The following TRIM32 variants were observed in gnomAD, a reference collection of about 807,000 sequenced individuals.
TRIM32 encodes the protein tripartite motif containing 32, also known as E3 ubiquitin-protein ligase TRIM32.
In TRIM32, 19 loss-of-function variants were observed where a neutral mutation model predicts 36.0. The ratio of observed to expected loss-of-function variants is 0.53; its 90% CI spans 0.37 to 0.77. The LOEUF (loss-of-function observed/expected upper bound fraction) is 0.77, where lower values mean the gene tolerates loss of function less well. TRIM32 is among the 30% of genes least tolerant of loss of function. TRIM32 has a pLI of 0.00. For missense variants in TRIM32, 747 were observed against 845.2 expected, an observed-to-expected ratio of 0.88 and a Z score of 1.44; for synonymous variants, 309 against 318.5, an observed-to-expected ratio of 0.97 and a Z score of 0.32.
Position 116,694,459 on chromosome 9 carries a change from C to CTTTTTTTT in TRIM32, c.-81-3190_-81-3183dup, listed in dbSNP as rs56666915. On this transcript the variant is annotated intron_variant, in intron 1 of 1. Coordinates refer to ENST00000450136, the MANE Select transcript of TRIM32 (RefSeq NM_012210.4). Reference sequence around the variant, plus strand: ...GCATGGATCCTGAGTTGTAATTTCTCTTTTTTTTTTTTTTTTTTTTGAGAT... The same window carrying CTTTTTTTT: ...GCATGGATCCTGAGTTGTAATTTCTCTTTTTTTTTTTTTTTTTTTTTTTTTTTTGAGAT... 5.3e-4 allele frequency among the ~76,000 whole-genome samples: 47 copies of CTTTTTTTT among 88,046 alleles called. 3 individuals are homozygous for CTTTTTTTT. The highest frequency in any genetic ancestry group is 3.4e-3 in the East Asian group (9 of 2,622). The allele number at this position is 88,046 out of a possible 152,430, so 57.8% of individuals were successfully genotyped here. A position where few individuals can be genotyped will look rare whatever the true frequency, so the allele number is the denominator to read the frequency against.
At position 116,698,432 on chromosome 9, in the gene TRIM32, TG is replaced by T. The variant is rs747685252; in HGVS notation, c.691del (p.Ala231GlnfsTer21). 2.7e-5 allele frequency: 44 copies of T among 1,613,948 alleles called. No homozygotes were observed. Among genetic ancestry groups the T allele is most frequent in the Non-Finnish European group, 3.6e-5 (42 of 1,180,018 alleles). ...VEEQSYLLNI[A>X]EVQAVSRCDY... ...AGGAGCAGAGTTACCTGCTTAACATTGCAGAGGTGCAGGCTGTGTCTCGCTG... is the reference window on the plus strand; with the variant it reads ...AGGAGCAGAGTTACCTGCTTAACATTCAGAGGTGCAGGCTGTGTCTCGCTG... On this transcript the variant is annotated frameshift_variant, in exon 2 of 2. Coordinates refer to ENST00000450136, the MANE Select transcript of TRIM32 (RefSeq NM_012210.4). LOFTEE classifies it high-confidence loss of function. The surrounding 1 kb of genome is among the most constrained non-coding windows in gnomAD (Gnocchi z 4.4).
At chr9:116,693,093 C>A (rs1198514384) in intron 1 of TRIM32, among the ~76,000 whole-genome samples, 3 of 152,134 alleles carry the variant, frequency 2.0e-5, no homozygotes, top group Admixed American at 6.5e-5. Context: ...AGTTTGTAAA[C>A]TGAATGCGTT....
In TRIM32 at chr9:116,699,569, T is replaced by C. The variant is rs1442201890; in HGVS notation, c.1827T>C (p.Ser609=). 1.9e-6 allele frequency: 3 copies of C among 1,614,084 alleles called. No individual in the cohort carries two copies. Among genetic ancestry groups the C allele is most frequent in the Non-Finnish European group, 2.5e-6 (3 of 1,180,026 alleles). The change falls in exon 2 of 2, where the codon AGT becomes AGC. Residue 609 remains serine, a synonymous_variant. Transcript: ENST00000450136. This position sits in a 1 kb window ranked among gnomAD's most constrained non-coding sequence, Gnocchi z 4.2. ...ILHFPKGGGY[S]VLIREGLTCP... is the part of the protein sequence containing the mutation. ...ATTTTCCTAAGGGTGGGGGCTATAG[T>C]GTCCTTATTCGAGAGGGACTTACCT... is the stretch of plus-strand genomic sequence containing the variant.
chr9:116,689,691 T>G (rs1423483832), intron 1 of TRIM32, among the ~76,000 whole-genome samples: 2 of 152,202 alleles, frequency 1.3e-5, no homozygotes, highest in Non-Finnish European at 2.9e-5. Context: ...TGAGTATCAC[T>G]GACTATCAGA....
At chr9:116,693,757 A>C (rs80267639) in intron 1 of TRIM32, among the ~76,000 whole-genome samples, 30,493 of 152,146 alleles carry the variant, frequency 0.2, 3,959 homozygotes, top group Admixed American at 0.36. Context: ...TGGGCAGCTT[A>C]CTTAAAGATT....
intron 1 of TRIM32, among the ~76,000 whole-genome samples, chr9:116,693,325 A>G (rs1199555116): frequency 1.3e-5 from 2 of 152,210 alleles, no homozygotes; most frequent in Admixed American, 6.5e-5. Flanking sequence ...TCTCAGTCCT[A>G]TATAACTTTA....
At chr9:116,696,952 A>T (rs1411299109) in intron 1 of TRIM32, among the ~76,000 whole-genome samples, 1 of 84,188 alleles carries the variant, frequency 1.2e-5, no homozygotes, top group South Asian at 7.9e-4. Context: ...GACATGATTA[A>T]AAAAAAAAAA....
Position 116,698,405 on chromosome 9 carries a change from A to C in TRIM32, c.663A>C (p.Val221=), listed in dbSNP as rs897876140. The C allele has an allele frequency of 1.2e-6, 2 of 1,614,020 alleles. No homozygotes were observed. The highest frequency in any genetic ancestry group is 2.7e-5 in the African/African-American group (2 of 74,934). ...TTGAGAAGTCCAATAGTCAAGTGGT[A>C]GAGGAGCAGAGTTACCTGCTTAACA... ...AEVEKSNSQV[V]EEQSYLLNIA... is the part of the protein sequence containing the mutation. Residue 221 remains valine, a synonymous_variant, in exon 2 of 2, where the codon GTA becomes GTC. Transcript: ENST00000450136. This position sits in a 1 kb window ranked among gnomAD's most constrained non-coding sequence, Gnocchi z 4.4.
rs1254603334 is a variant in TRIM32, at chr9:116,699,810, C to A, written c.*106C>A. ...AATAGACTCAGCCTATGTCCTGATT[C>A]CAGCTGGGTAGTTCTAGAACTTCAG... On this transcript the variant is annotated 3_prime_UTR_variant, in exon 2 of 2. Transcript: ENST00000450136. The surrounding 1 kb of genome is among the most constrained non-coding windows in gnomAD (Gnocchi z 4.2). 2 of 1,496,540 alleles carry A rather than the reference C, an allele frequency of 1.3e-6. No individual in the cohort carries two copies. Among genetic ancestry groups the A allele is most frequent in the African/African-American group, 2.8e-5 (2 of 72,314 alleles). 92.7% of individuals were successfully genotyped at this position (1,496,540 alleles called of 1,614,324 possible).
At chr9:116,690,434 C>T (rs1588204772) in intron 1 of TRIM32, among the ~76,000 whole-genome samples, 1 of 152,190 alleles carries the variant, frequency 6.6e-6, no homozygotes, top group Non-Finnish European at 1.5e-5. Context: ...CCTTTTCCAA[C>T]CCTTCAGAGC....
In TRIM32 at chr9:116,701,169, A is replaced by T. The variant is rs1168747285; in HGVS notation, c.*1465A>T. 6.0e-6 allele frequency: 1 copy of T among 167,106 alleles called. No homozygotes were observed. The highest frequency in any genetic ancestry group is 2.4e-5 in the African/African-American group (1 of 41,470). The allele number at this position is 167,106 out of a possible 1,614,324, so 10.4% of individuals were successfully genotyped here. A position where few individuals can be genotyped will look rare whatever the true frequency, so the allele number is the denominator to read the frequency against. On this transcript the variant is annotated 3_prime_UTR_variant, in exon 2 of 2. Transcript: ENST00000450136. ...TGGCAAGCCAAAGAGCAACTGCCTT[A>T]CTTTGATGTAAACAAAATTTGCTAA...
chr9:116,699,438 A>G lies in TRIM32; in HGVS notation c.1696A>G (p.Ser566Gly), dbSNP rs779755416. ...GPDGQLGRQI[S>G]HFFSENEDFR... Reference sequence around the variant, plus strand: ...TGATGGGCAGCTGGGTCGCCAGATTAGCCACTTCTTCTCGGAGAATGAGGA... The same window carrying G: ...TGATGGGCAGCTGGGTCGCCAGATTGGCCACTTCTTCTCGGAGAATGAGGA... The change falls in exon 2 of 2, where the codon AGC (serine) becomes GGC (glycine). Residue 566 changes from serine (S) to glycine (G), a missense_variant. Transcript: ENST00000450136. This position sits in a 1 kb window ranked among gnomAD's most constrained non-coding sequence, Gnocchi z 4.2. 7 of 1,614,144 alleles carry G rather than the reference A, an allele frequency of 4.3e-6. No individual in the cohort carries two copies. The highest frequency in any genetic ancestry group is 5.9e-6 in the Non-Finnish European group (7 of 1,180,026).
In TRIM32 at chr9:116,699,711, A is replaced by C; in HGVS notation, c.*7A>C. 6.2e-7 allele frequency: 1 copy of C among 1,614,216 alleles called. No individual in the cohort carries two copies. Among genetic ancestry groups the C allele is most frequent in the Admixed American group, 1.7e-5 (1 of 60,032 alleles). ...AAGATATTCCACCCCATAGGGGATG[A>C]GAAATTATCAGTTTCTTCTGCTCCC... On this transcript the variant is annotated 3_prime_UTR_variant, in exon 2 of 2. Coordinates refer to ENST00000450136, the MANE Select transcript of TRIM32 (RefSeq NM_012210.4). This position sits in a 1 kb window ranked among gnomAD's most constrained non-coding sequence, Gnocchi z 4.2.
Position 116,687,361 on chromosome 9 carries a change from G to A in TRIM32, c.-102G>A, listed in dbSNP as rs1281801189. 4 of 662,492 alleles carry A rather than the reference G, an allele frequency of 6.0e-6. No homozygotes were observed. The highest frequency in any genetic ancestry group is 6.0e-5 in the African/African-American group (3 of 50,190). The allele number at this position is 662,492 out of a possible 1,614,324, so 41.0% of individuals were successfully genotyped here. ...CGGGTGGGCTGCCGGCGGTGGACTC[G>A]TCGGAGCCGCGGGCGGTCAGGTAGG... On this transcript the variant is annotated 5_prime_UTR_variant, in exon 1 of 2. Coordinates refer to ENST00000450136, the MANE Select transcript of TRIM32 (RefSeq NM_012210.4).
chr9:116,694,866 A>T (rs1860763804), intron 1 of TRIM32, among the ~76,000 whole-genome samples: 1 of 151,922 alleles, frequency 6.6e-6, no homozygotes, highest in Non-Finnish European at 1.5e-5. Flanking sequence ...TCCACATCAG[A>T]CCTCATACGC....
At chr9:116,693,231 CTT>C (rs1439306343) in intron 1 of TRIM32, among the ~76,000 whole-genome samples, 2 of 152,156 alleles carry the variant, frequency 1.3e-5, no homozygotes, top group East Asian at 1.9e-4. Flanking sequence ...TTACAGTACT[CTT>C]TTTATAAACT....
chr9:116,698,227 A>G lies in TRIM32; in HGVS notation c.485A>G (p.Glu162Gly), dbSNP rs1018629963. 6.2e-7 allele frequency: 1 copy of G among 1,614,008 alleles called. No individual in the cohort carries two copies. The highest frequency in any genetic ancestry group is 8.5e-7 in the Non-Finnish European group (1 of 1,180,010). ...KLTRLRELMG[E>G]LQRRKAALEG... ...ACTCGTCTGCGGGAACTTATGGGGG[A>G]GCTGCAGCGGCGGAAGGCAGCCTTG... The change falls in exon 2 of 2, where the codon GAG becomes GGG. Residue 162 changes from glutamate to glycine, a missense_variant. Coordinates refer to ENST00000450136, the MANE Select transcript of TRIM32 (RefSeq NM_012210.4). The surrounding 1 kb of genome is among the most constrained non-coding windows in gnomAD (Gnocchi z 4.4).
intron 1 of TRIM32, among the ~76,000 whole-genome samples, chr9:116,689,318 G>T (rs1860444851): frequency 6.6e-6 from 1 of 152,196 alleles, no homozygotes. Context: ...ATGGGGTTAT[G>T]ATAACAAGAC....
chr9:116,701,178 T>A lies in TRIM32; in HGVS notation c.*1474T>A, dbSNP rs557750001. ...AAAGAGCAACTGCCTTACTTTGATG[T>A]AAACAAAATTTGCTAAACTGAGCTG... On this transcript the variant is annotated 3_prime_UTR_variant, in exon 2 of 2. Transcript: ENST00000450136. 1.2e-5 allele frequency: 2 copies of A among 167,124 alleles called. No homozygotes were observed. The highest frequency in any genetic ancestry group is 4.8e-5 in the African/African-American group (2 of 41,468). The allele number at this position is 167,124 out of a possible 1,614,324, so 10.4% of individuals were successfully genotyped here.
Sources: gnomAD v4.1 joint callset for allele counts (sites outside exome capture counted in the v4.1 genomes callset) on GRCh38, gnomAD v4.1.1 for gene constraint, Gnocchi (gnomAD v3.1) non-coding constraint, MANE v1.5 for transcripts, NCBI Gene and HGNC (gene_info 2026-07-23, HGNC 2026-07-21) for gene names.